Variants in RNF217 observed in about 807,000 individuals in gnomAD.
The protein encoded by RNF217 is E3 ubiquitin-protein ligase RNF217.
In RNF217, 31 loss-of-function variants were observed where a neutral mutation model predicts 57.8. That is an observed-to-expected ratio of 0.54 (90% CI 0.40 to 0.72). RNF217 has a LOEUF of 0.72. Ranked by LOEUF, RNF217 falls within the 30% of genes least tolerant of loss-of-function variation. The probability of loss-of-function intolerance (pLI) is 0.00; values close to 1 mark genes in which losing one functional copy is unlikely to be tolerated. For missense variants in RNF217, 696 were observed against 708.3 expected (o/e 0.98, Z 0.20); for synonymous variants, 313 against 294.0 (o/e 1.06, Z -0.66).
At chr6:124,964,843 C>G (rs1582643128) in intron 1 of RNF217, among the ~76,000 whole-genome samples, 1 of 152,300 alleles carries the variant, frequency 6.6e-6, no homozygotes, top group Middle Eastern at 3.4e-3. Flanking sequence ...TATAAGCCCG[C>G]CTCCAGGGAA....
intron 1 of RNF217, among the ~76,000 whole-genome samples, chr6:124,979,462 G>C (rs747197172): frequency 6.6e-6 from 1 of 152,136 alleles, no homozygotes; most frequent in Non-Finnish European, 1.5e-5. Flanking sequence ...AGATGAGAGC[G>C]GAATGGTGAC....
At chr6:125,036,684 AC>A (rs1016859805) in intron 1 of RNF217, among the ~76,000 whole-genome samples, 4 of 151,628 alleles carry the variant, frequency 2.6e-5, no homozygotes, top group African/African-American at 9.7e-5. Context: ...AAGAAAAAAA[AC>A]ATCAAAAAGT....
chr6:125,043,270 G>C (rs769818815), intron 1 of RNF217, among the ~76,000 whole-genome samples: 1 of 151,922 alleles, frequency 6.6e-6, no homozygotes, highest in Non-Finnish European at 1.5e-5. Flanking sequence ...TTTCCTCCAG[G>C]CCTTTGCCCA....
At chr6:125,074,409 A>G (rs1788281839) in intron 3 of RNF217, among the ~76,000 whole-genome samples, 1 of 152,076 alleles carries the variant, frequency 6.6e-6, no homozygotes, top group Admixed American at 6.6e-5. Flanking sequence ...TTTTGTGATT[A>G]CTATGATTAA....
chr6:125,058,740 A>T (rs1435847663), intron 3 of RNF217, among the ~76,000 whole-genome samples: 5 of 152,006 alleles, frequency 3.3e-5, no homozygotes, highest in African/African-American at 1.2e-4. Context: ...GCCAGGGAAG[A>T]CTCTCCTACG....
At chr6:125,028,861 GCTGTCTTACTGC>G (rs1393520654) in intron 1 of RNF217, among the ~76,000 whole-genome samples, 2 of 151,816 alleles carry the variant, frequency 1.3e-5, no homozygotes, top group Non-Finnish European at 2.9e-5. Context: ...CTTCTGATGT[GCTGTCTTACTGC>G]CTTTTTATAT....
chr6:125,064,750 C>T (rs899021840), intron 3 of RNF217, among the ~76,000 whole-genome samples: 9 of 151,710 alleles, frequency 5.9e-5, no homozygotes, highest in Non-Finnish European at 8.8e-5. Context: ...AAAATAAGTA[C>T]GTGTGTATAT....
In RNF217 at chr6:125,068,553, C is replaced by A. The variant is rs566505286; in HGVS notation, c.1282-8104C>A. ...TACTCTCTGTCTACACCTATAAGCT[C>A]CTTAAGGGCAGGAGCCATGTCAGAC... On this transcript the variant is annotated intron_variant, in intron 3 of 5. Coordinates refer to ENST00000521654, the MANE Select transcript of RNF217 (RefSeq NM_001286398.3). Among the ~76,000 whole-genome samples the A allele has an allele frequency of 4.6e-5, 7 of 152,254 alleles. 1 individual carries two copies. Among genetic ancestry groups the A allele is most frequent in the Admixed American group, 4.6e-4 (7 of 15,290 alleles).
intron 1 of RNF217, among the ~76,000 whole-genome samples, chr6:125,002,623 T>C (rs925980624): frequency 6.6e-6 from 1 of 152,178 alleles, no homozygotes; most frequent in Non-Finnish European, 1.5e-5. Flanking sequence ...TGCTTTTAAT[T>C]GTCAGTGTCA....
Position 124,993,109 on chromosome 6 carries a change from T to C in RNF217, c.882+29683T>C, listed in dbSNP as rs938200080. ...TTGAGTTCAAATAGTAAAATATACT[T>C]GATATATGAACTTTCTTTTGGTCTC... On this transcript the variant is annotated intron_variant, in intron 1 of 5. Transcript: ENST00000521654. 2.0e-5 allele frequency among the ~76,000 whole-genome samples: 3 copies of C among 152,264 alleles called. No individual in the cohort carries two copies. The East Asian group carries it at 5.8e-4, about 29-fold the overall frequency.
chr6:124,979,215 G>T (rs1784072419), intron 1 of RNF217, among the ~76,000 whole-genome samples: 1 of 152,164 alleles, frequency 6.6e-6, no homozygotes, highest in Admixed American at 6.5e-5. Flanking sequence ...ATTATCAATT[G>T]TGTGATGCTG....
At chr6:125,003,891 T>A (rs907526478) in intron 1 of RNF217, among the ~76,000 whole-genome samples, 4 of 152,124 alleles carry the variant, frequency 2.6e-5, no homozygotes, top group Non-Finnish European at 5.9e-5. Context: ...AAATTGAGGT[T>A]CAGATACGTT....
chr6:124,976,290 C>G (rs117981213), intron 1 of RNF217, among the ~76,000 whole-genome samples: 42,274 of 94,452 alleles, frequency 0.45, 7,432 homozygotes, highest in South Asian at 0.62. Flanking sequence ...TCTCTCCTTT[C>G]CTCCCTTCCT....
At chr6:125,049,813 G>A (rs1582752288) in intron 2 of RNF217, among the ~76,000 whole-genome samples, 1 of 151,740 alleles carries the variant, frequency 6.6e-6, no homozygotes, top group African/African-American at 2.4e-5. Context: ...GTGGACAATG[G>A]GCAGAAAGGA....
At chr6:125,062,441 A>G (rs1215680397) in intron 3 of RNF217, among the ~76,000 whole-genome samples, 15 of 152,148 alleles carry the variant, frequency 9.9e-5, no homozygotes, top group African/African-American at 3.1e-4. Flanking sequence ...TATGATTTTT[A>G]TAGTACGATA....
chr6:124,989,043 T>C (rs1158053873), intron 1 of RNF217, among the ~76,000 whole-genome samples: 1 of 152,244 alleles, frequency 6.6e-6, no homozygotes, highest in Non-Finnish European at 1.5e-5. Flanking sequence ...ATATATCTGC[T>C]ACAATATAAT....
chr6:124,978,029 T>TA (rs891579753), intron 1 of RNF217, among the ~76,000 whole-genome samples: 4 of 151,988 alleles, frequency 2.6e-5, no homozygotes, highest in Admixed American at 1.3e-4. Flanking sequence ...ATACAAACAT[T>TA]AAAAAAATAC....
Position 125,044,386 on chromosome 6 carries a change from A to G in RNF217, c.883-825A>G, listed in dbSNP as rs540142600. Among the ~76,000 whole-genome samples, 45 of 152,236 alleles carry G rather than the reference A, an allele frequency of 3.0e-4. No individual in the cohort carries two copies. In the East Asian group the frequency reaches 8.5e-3, roughly 29 times the overall value. ...AGTTTATTTTAATCATTTAAAAATT[A>G]GTTGTGTCCACACTTTGTGCTTTAA... is the stretch of plus-strand genomic sequence containing the variant. On this transcript the variant is annotated intron_variant, in intron 1 of 5. Transcript: ENST00000521654.
At chr6:124,997,141 G>T (rs1784785445) in intron 1 of RNF217, among the ~76,000 whole-genome samples, 1 of 152,144 alleles carries the variant, frequency 6.6e-6, no homozygotes, top group Admixed American at 6.5e-5. Flanking sequence ...GATGAGAAGA[G>T]AATTTCTGTT....
Sources: gnomAD v4.1 joint callset for allele counts (sites outside exome capture counted in the v4.1 genomes callset) on GRCh38, gnomAD v4.1.1 for gene constraint, MANE v1.5 for transcripts, NCBI Gene and HGNC (gene_info 2026-07-23, HGNC 2026-07-21) for gene names.